The following SHISA6 variants were observed in gnomAD, a reference collection of about 807,000 sequenced individuals.
SHISA6 encodes protein shisa-6.
SHISA6 carries 22 observed loss-of-function variants against 47.9 expected under a neutral mutation model. That is an observed-to-expected ratio of 0.46 (90% CI 0.33 to 0.66). The LOEUF is 0.66. SHISA6 is among the 30% of genes least tolerant of loss of function. SHISA6 has a pLI of 0.02. For synonymous variants in SHISA6, 388 were observed against 337.8 expected (o/e 1.15, Z -1.63); for missense variants, 680 against 764.6 (o/e 0.89, Z 1.30).
Position 11,364,455 on chromosome 17 carries a change from A to G in SHISA6, c.800-14959A>G, listed in dbSNP as rs142534588. ...GTGTGTTTGGCTTTCACTTAACGTT[A>G]TATTAGTGAGAGTTACCCATATTGT... On this transcript the variant is annotated intron_variant, in intron 2 of 5. Transcript: ENST00000441885. Among the ~76,000 whole-genome samples the G allele has an allele frequency of 9.6e-4, 146 of 152,360 alleles. 2 individuals carry two copies. The highest frequency in any genetic ancestry group is 3.3e-3 in the African/African-American group (139 of 41,590).
chr17:11,433,284 C>T (rs1914843248), intron 3 of SHISA6, among the ~76,000 whole-genome samples: 1 of 152,108 alleles, frequency 6.6e-6, no homozygotes, highest in African/African-American at 2.4e-5. Flanking sequence ...TCCCTGTGTC[C>T]ATGTGTTCTC....
chr17:11,487,184 G>C (rs1916371302), intron 3 of SHISA6, among the ~76,000 whole-genome samples: 5 of 152,138 alleles, frequency 3.3e-5, no homozygotes, highest in Admixed American at 3.3e-4. Flanking sequence ...CAGCACAGGA[G>C]ACCATCACCA....
chr17:11,544,967 A>G (rs1282993945), intron 3 of SHISA6, among the ~76,000 whole-genome samples: 1 of 151,380 alleles, frequency 6.6e-6, no homozygotes, highest in Non-Finnish European at 1.5e-5. Flanking sequence ...TCTCCAAAAA[A>G]AAAAAAAAAA....
chr17:11,539,378 A>G (rs543702919), intron 3 of SHISA6, among the ~76,000 whole-genome samples: 3 of 152,362 alleles, frequency 2.0e-5, no homozygotes, highest in Admixed American at 6.5e-5. Flanking sequence ...TTGAATGATC[A>G]TGAAGAATGG....
chr17:11,482,656 G>A (rs982811481), intron 3 of SHISA6, among the ~76,000 whole-genome samples: 3 of 152,118 alleles, frequency 2.0e-5, no homozygotes, highest in Admixed American at 6.5e-5. Context: ...GTTATGAAAT[G>A]GAATGCAAAT....
chr17:11,469,911 T>C (rs1915897882), intron 3 of SHISA6, among the ~76,000 whole-genome samples: 1 of 152,200 alleles, frequency 6.6e-6, no homozygotes, highest in Non-Finnish European at 1.5e-5. Flanking sequence ...ACAGGGCCTT[T>C]AAGCAGGTAG....
intron 2 of SHISA6, among the ~76,000 whole-genome samples, chr17:11,305,982 A>T (rs562472643): frequency 1.1e-4 from 16 of 152,036 alleles, no homozygotes; most frequent in Non-Finnish European, 1.8e-4. Flanking sequence ...GCCTGTGCGT[A>T]CCCTTCTTCT....
chr17:11,465,990 G>A (rs961072059), intron 3 of SHISA6, among the ~76,000 whole-genome samples: 3 of 152,142 alleles, frequency 2.0e-5, no homozygotes, highest in African/African-American at 7.2e-5. Context: ...ATAAAACGGA[G>A]TTCTGGGGAA....
intron 3 of SHISA6, among the ~76,000 whole-genome samples, chr17:11,461,963 C>G (rs1281117516): frequency 2.0e-5 from 3 of 152,172 alleles, no homozygotes; most frequent in African/African-American, 7.2e-5. Context: ...TTAATACAAT[C>G]CTTTCCAAGG....
At chr17:11,387,300 G>A (rs750948507) in intron 3 of SHISA6, among the ~76,000 whole-genome samples, 1 of 152,086 alleles carries the variant, frequency 6.6e-6, no homozygotes, top group East Asian at 1.9e-4. Context: ...GAAAGTTCAG[G>A]GGCTAAATGC....
rs866537515 is a variant in SHISA6, at chr17:11,434,814, C to T, written c.895+55305C>T. On this transcript the variant is annotated intron_variant, in intron 3 of 5. Coordinates refer to ENST00000441885, the MANE Select transcript of SHISA6 (RefSeq NM_207386.4). ...TTGAATCTGAAATGCAAAGAAATAT[C>T]CAAAGCGGAGGACAGGGAAGGGAGA... is the stretch of plus-strand genomic sequence containing the variant. Among the ~76,000 whole-genome samples the T allele has an allele frequency of 1.6e-4, 25 of 152,238 alleles. 1 individual carries two copies. Among genetic ancestry groups the T allele is most frequent in the South Asian group, 4.1e-4 (2 of 4,824 alleles).
chr17:11,328,851 G>A (rs959802757), intron 2 of SHISA6, among the ~76,000 whole-genome samples: 3 of 152,196 alleles, frequency 2.0e-5, no homozygotes, highest in Non-Finnish European at 4.4e-5. Context: ...CTCTAAGGAG[G>A]TGAGGTTTTC....
intron 3 of SHISA6, among the ~76,000 whole-genome samples, chr17:11,479,634 G>GA (rs1287896873): frequency 6.0e-5 from 9 of 150,764 alleles, no homozygotes; most frequent in Non-Finnish European, 4.4e-5. Flanking sequence ...AAAGAAAAAA[G>GA]AAAAAAAAGA....
intron 3 of SHISA6, among the ~76,000 whole-genome samples, chr17:11,380,763 C>G (rs1912980734): frequency 6.6e-6 from 1 of 152,168 alleles, no homozygotes; most frequent in Non-Finnish European, 1.5e-5. Context: ...GTTGCCATCA[C>G]CACGTCAGGC....
chr17:11,262,677 C>T (rs1403432838), intron 1 of SHISA6, among the ~76,000 whole-genome samples: 5 of 152,182 alleles, frequency 3.3e-5, no homozygotes, highest in Non-Finnish European at 2.9e-5. Context: ...GTAACTGGAC[C>T]TCTTGCAGGG....
rs527481507 is a variant in SHISA6 at position 11,530,634 on chromosome 17, G to A, written c.896-21262G>A. Among the ~76,000 whole-genome samples the A allele has an allele frequency of 2.6e-5, 4 of 152,178 alleles. No individual in the cohort carries two copies. In the South Asian group the frequency reaches 8.4e-4, roughly 32 times the overall value. The stretch of plus-strand genomic sequence containing the variant: ...GGCATGCTTCCTTCAGACATCCCCC[G>A]CTTGATCACAGTTGAAGGAATGTCT... On this transcript the variant is annotated intron_variant, in intron 3 of 5. Coordinates refer to ENST00000441885, the MANE Select transcript of SHISA6 (RefSeq NM_207386.4).
At chr17:11,295,499 T>C (rs1175716406) in intron 2 of SHISA6, among the ~76,000 whole-genome samples, 1 of 151,948 alleles carries the variant, frequency 6.6e-6, no homozygotes, top group Admixed American at 6.6e-5. Context: ...GTAAGCTCTA[T>C]AAAGGAAATA....
At chr17:11,341,328 C>CTTTTTTTTTTTTTTTTTTTTTTTTTTTT in intron 2 of SHISA6, among the ~76,000 whole-genome samples, 1 of 88,826 alleles carries the variant, frequency 1.1e-5, no homozygotes, top group Non-Finnish European at 2.1e-5. Context: ...CTCTCTCTCT[C>CTTTTTTTTTTTTTTTTTTTTTTTTTTTT]TTTTTTTTTT....
At chr17:11,392,169 T>G (rs1245468379) in intron 3 of SHISA6, among the ~76,000 whole-genome samples, 1 of 151,632 alleles carries the variant, frequency 6.6e-6, no homozygotes, top group Non-Finnish European at 1.5e-5. Context: ...CAGTGAATCT[T>G]TTTTTTTTCT....
Sources: allele counts gnomAD v4.1 joint callset (sites outside exome capture counted in the v4.1 genomes callset), GRCh38; gene constraint gnomAD v4.1.1; transcripts MANE v1.5; gene names NCBI Gene and HGNC (gene_info 2026-07-23, HGNC 2026-07-21).